Variants in APBA1 observed in about 807,000 individuals in gnomAD.
The protein encoded by APBA1 is amyloid beta precursor protein binding family A member 1.
APBA1 carries 55 observed loss-of-function variants against 86.6 expected under a neutral mutation model. The observed-to-expected ratio is 0.64, with a 90% confidence interval of 0.51 to 0.80. The LOEUF (loss-of-function observed/expected upper bound fraction) is 0.80. APBA1 is among the 30% of genes least tolerant of loss of function. The pLI is 0.00. For missense variants in APBA1, 1,090 were observed against 1,183.0 expected, an observed-to-expected ratio of 0.92 and a Z score of 1.15; for synonymous variants, 511 against 493.9, an observed-to-expected ratio of 1.03 and a Z score of -0.46.
chr9:69,553,734 C>T (rs945447748), intron 1 of APBA1, among the ~76,000 whole-genome samples: 2 of 152,156 alleles, frequency 1.3e-5, no homozygotes, highest in African/African-American at 4.8e-5. Context: ...AGTTTAGGAG[C>T]CACAGATCTT....
intron 1 of APBA1, among the ~76,000 whole-genome samples, chr9:69,613,014 G>T (rs1822619831): frequency 1.3e-5 from 2 of 152,018 alleles, no homozygotes; most frequent in Non-Finnish European, 2.9e-5. Flanking sequence ...AAATGTATAG[G>T]ATAAAACTAA....
intron 1 of APBA1, among the ~76,000 whole-genome samples, chr9:69,538,209 T>G (rs1836544392): frequency 6.6e-6 from 1 of 152,230 alleles, no homozygotes; most frequent in African/African-American, 2.4e-5. Flanking sequence ...TAAAATCAAT[T>G]TAAGCAATTT....
At chr9:69,483,136 C>A (rs1242370086) in intron 2 of APBA1, among the ~76,000 whole-genome samples, 2 of 16,440 alleles carry the variant, frequency 1.2e-4, no homozygotes, top group Non-Finnish European at 2.6e-4. Flanking sequence ...AAAATTAAGT[C>A]AAAAAAACAA....
chr9:69,610,379 GT>G (rs1321332486), intron 1 of APBA1, among the ~76,000 whole-genome samples: 1 of 152,220 alleles, frequency 6.6e-6, no homozygotes, highest in African/African-American at 2.4e-5. Context: ...TATTTTTGTT[GT>G]TGTTGTTGGG....
chr9:69,593,582 C>T (rs1237959057), intron 1 of APBA1, among the ~76,000 whole-genome samples: 1 of 152,190 alleles, frequency 6.6e-6, no homozygotes, highest in African/African-American at 2.4e-5. Context: ...CAGGAAATTA[C>T]AGGAGGCTAA....
In APBA1 at chr9:69,452,170, C is replaced by T; in HGVS notation, c.1920G>A (p.Met640Ile). ...AGAAGTGGATCAGGTCATCGTTGTA[C>T]ATGTCCTGGGTATTGAGCAGGTCAC... ...EYSDLLNTQDMYNDDLIHFSK... is the reference protein window; with the variant it reads ...EYSDLLNTQDIYNDDLIHFSK... The change falls in exon 9 of 13, where the codon ATG becomes ATA. Residue 640 changes from methionine to isoleucine, a missense_variant. Transcript: ENST00000265381. 1 of 1,614,228 alleles carries T rather than the reference C, an allele frequency of 6.2e-7. No homozygotes were observed. Among genetic ancestry groups the T allele is most frequent in the Non-Finnish European group, 8.5e-7 (1 of 1,180,028 alleles).
chr9:69,452,061 C>T, intron 9 of APBA1, 61 bp downstream of exon 9: 2 of 1,524,732 alleles, frequency 1.3e-6, no homozygotes. Context: ...CAGGGTGCCC[C>T]ACTTTCCAAG....
At chr9:69,470,060 T>C (rs939623668) in intron 4 of APBA1, among the ~76,000 whole-genome samples, 1 of 152,232 alleles carries the variant, frequency 6.6e-6, no homozygotes, top group Non-Finnish European at 1.5e-5. Flanking sequence ...ATCCAAATTA[T>C]ATTTAAATGA....
At chr9:69,586,629 G>A (rs965221758) in intron 1 of APBA1, among the ~76,000 whole-genome samples, 2 of 152,198 alleles carry the variant, frequency 1.3e-5, no homozygotes, top group Non-Finnish European at 2.9e-5. Flanking sequence ...GGTCTCAAAT[G>A]GTGGTGGTTT....
chr9:69,662,976 T>C (rs1282455768), intron 1 of APBA1, among the ~76,000 whole-genome samples: 1 of 152,256 alleles, frequency 6.6e-6, no homozygotes, highest in Non-Finnish European at 1.5e-5. Flanking sequence ...CATTTGTCCA[T>C]ACCACCAAAT....
intron 1 of APBA1, among the ~76,000 whole-genome samples, chr9:69,574,844 A>G (rs1320359359): frequency 6.6e-6 from 1 of 152,230 alleles, no homozygotes; most frequent in African/African-American, 2.4e-5. Context: ...AAGTCAGGGT[A>G]GAGCAGCACA....
chr9:69,578,502 T>G (rs1821851065), intron 1 of APBA1, among the ~76,000 whole-genome samples: 1 of 152,226 alleles, frequency 6.6e-6, no homozygotes, highest in Non-Finnish European at 1.5e-5. Flanking sequence ...AATTTCTGGA[T>G]AAAAGGGGCT....
rs1374296239 is a variant in APBA1 at position 69,589,762 on chromosome 9, T to A, written c.-69-72483A>T. 5.3e-5 allele frequency among the ~76,000 whole-genome samples: 8 copies of A among 152,148 alleles called. No homozygotes were observed. In the East Asian group the frequency reaches 1.5e-3, roughly 29 times the overall value. ...TCCTGATTGAATCAGATTCAAACAATTTAAACTGGGATTGGCTTTTCTATT... is the reference window on the plus strand; with the variant it reads ...TCCTGATTGAATCAGATTCAAACAAATTAAACTGGGATTGGCTTTTCTATT... On this transcript the variant is annotated intron_variant, in intron 1 of 12. Coordinates refer to ENST00000265381, the MANE Select transcript of APBA1 (RefSeq NM_001163.4).
At chr9:69,602,399 G>A (rs1443407790) in intron 1 of APBA1, among the ~76,000 whole-genome samples, 3 of 151,878 alleles carry the variant, frequency 2.0e-5, no homozygotes, top group Non-Finnish European at 4.4e-5. Flanking sequence ...GTGAAACCCC[G>A]TCTCTACTAA....
intron 3 of APBA1, among the ~76,000 whole-genome samples, chr9:69,472,825 C>T (rs1290586134): frequency 3.3e-5 from 5 of 152,142 alleles, no homozygotes; most frequent in Non-Finnish European, 5.9e-5. Context: ...TGACACAGTG[C>T]TCTTTCCTTG....
intron 12 of APBA1, among the ~76,000 whole-genome samples, chr9:69,431,828 GATGACTGACAGCA>G (rs1834601370): frequency 6.6e-6 from 1 of 152,240 alleles, no homozygotes; most frequent in South Asian, 2.1e-4. Context: ...TGACAGCAGT[GATGACTGACAGCA>G]ATGAATGACA....
At chr9:69,588,241 G>A (rs1374245731) in intron 1 of APBA1, among the ~76,000 whole-genome samples, 1 of 152,058 alleles carries the variant, frequency 6.6e-6, no homozygotes, top group African/African-American at 2.4e-5. Context: ...TAAGAAAGGG[G>A]TTGGCATATT....
At chr9:69,595,433 G>A (rs1240801204) in intron 1 of APBA1, among the ~76,000 whole-genome samples, 1 of 152,128 alleles carries the variant, frequency 6.6e-6, no homozygotes, top group Non-Finnish European at 1.5e-5. Context: ...CTCTGAGATT[G>A]TCTGGTGCCC....
intron 1 of APBA1, among the ~76,000 whole-genome samples, chr9:69,552,654 C>A (rs899955818): frequency 6.6e-6 from 1 of 152,184 alleles, no homozygotes. Flanking sequence ...AAAGTGAGTA[C>A]TGTTTATACT....
Sources: gnomAD v4.1 joint callset for allele counts (sites outside exome capture counted in the v4.1 genomes callset) on GRCh38, gnomAD v4.1.1 for gene constraint, MANE v1.5 for transcripts, NCBI Gene and HGNC (gene_info 2026-07-23, HGNC 2026-07-21) for gene names.